The following TJP2 variants were observed in gnomAD, a reference collection of about 807,000 sequenced individuals.
The protein encoded by TJP2 is Friedreich ataxia region gene X104 (tight junction protein ZO-2).
In TJP2, 91 loss-of-function variants were observed where a neutral mutation model predicts 133.1. The ratio of observed to expected loss-of-function variants is 0.68; its 90% CI spans 0.58 to 0.81. TJP2 has a LOEUF of 0.81. Ranked by LOEUF, TJP2 falls within the 40% of genes least tolerant of loss-of-function variation. The pLI is 0.00. For synonymous variants in TJP2, 592 were observed against 583.4 expected (o/e 1.01, Z -0.21); for missense variants, 1,541 against 1,565.6 (o/e 0.98, Z 0.26).
At chr9:69,133,761 G>A (rs1240875390) in intron 1 of TJP2, among the ~76,000 whole-genome samples, 2 of 151,640 alleles carry the variant, frequency 1.3e-5, no homozygotes, top group African/African-American at 4.8e-5. Flanking sequence ...ATGTTGTCCA[G>A]GCTGGCCTCG....
chr9:69,153,107 C>G (rs1238242434), intron 2 of TJP2, among the ~76,000 whole-genome samples: 1 of 151,904 alleles, frequency 6.6e-6, no homozygotes, highest in Non-Finnish European at 1.5e-5. Flanking sequence ...GTGGTGTGCT[C>G]CTGTAGTCCT....
chr9:69,206,779 A>AT (rs1233084991), intron 1 of TJP2, among the ~76,000 whole-genome samples: 2 of 151,692 alleles, frequency 1.3e-5, no homozygotes, highest in Non-Finnish European at 1.5e-5. Context: ...GGGTTTAACC[A>AT]TGTTAGTCAG....
intron 17 of TJP2, among the ~76,000 whole-genome samples, chr9:69,242,204 G>A (rs1389765944): frequency 6.6e-6 from 1 of 152,168 alleles, no homozygotes; most frequent in East Asian, 1.9e-4. Flanking sequence ...TTTGCTCTTG[G>A]GAGCACAGGC....
chr9:69,212,151 TG>T (rs1563915235), intron 1 of TJP2, among the ~76,000 whole-genome samples: 9 of 152,270 alleles, frequency 5.9e-5, no homozygotes, highest in Middle Eastern at 3.4e-3. Flanking sequence ...GACATAAACA[TG>T]CAGAAAACTT....
intron 9 of TJP2, among the ~76,000 whole-genome samples, chr9:69,228,866 A>G (rs1829549227): frequency 6.6e-6 from 1 of 152,176 alleles, no homozygotes; most frequent in African/African-American, 2.4e-5. Flanking sequence ...AATTATCATC[A>G]TAATTTTATA....
At chr9:69,159,592 T>C (rs1308013877) in intron 2 of TJP2, among the ~76,000 whole-genome samples, 1 of 151,948 alleles carries the variant, frequency 6.6e-6, no homozygotes, top group Non-Finnish European at 1.5e-5. Context: ...AATATGGTAA[T>C]AGTTGGCTGG....
rs59568063 is a variant in TJP2, at chr9:69,174,470, T to TCGTGAG, written c.60+49_60+54dup. 640,680 of 1,514,898 alleles carry TCGTGAG rather than the reference T, an allele frequency of 0.42. 141,229 individuals are homozygous for TCGTGAG. Among genetic ancestry groups the TCGTGAG allele is most frequent in the East Asian group, 0.65 (26,145 of 40,286 alleles). 93.8% of individuals were successfully genotyped at this position (1,514,898 alleles called of 1,614,324 possible). ...TTGTGCCGCGCGGTTGGGAGGAGGG[T>TCGTGAG]CGTGAGCGTGAGCGTGGGAGCGCTG... On this transcript the variant is annotated intron_variant, in intron 1 of 22. Transcript: ENST00000377245.
upstream of TJP2, among the ~76,000 whole-genome samples, chr9:69,170,644 A>C: frequency 6.6e-6 from 1 of 152,180 alleles, no homozygotes; most frequent in Middle Eastern, 3.2e-3. Context: ...AATGAACATC[A>C]TCAGTTCTTA....
At chr9:69,151,517 A>T in intron 1 of TJP2, 1 of 893,378 alleles carries the variant, frequency 1.1e-6, no homozygotes, top group Non-Finnish European at 1.5e-6. Context: ...ACAGTTGCAT[A>T]ACTCTGTGAA....
upstream of TJP2, among the ~76,000 whole-genome samples, chr9:69,173,744 G>C (rs1587965208): frequency 6.6e-6 from 1 of 152,206 alleles, no homozygotes; most frequent in Non-Finnish European, 1.5e-5. Flanking sequence ...GAGAACTGAA[G>C]CTGCCTGTGT....
At chr9:69,121,790 C>G (rs1166916888) in intron 1 of TJP2, 1 of 152,402 alleles carries the variant, frequency 6.6e-6, no homozygotes, top group Non-Finnish European at 1.5e-5. Context: ...CCGGGAGAGC[C>G]GCCGAGGCGC....
chr9:69,151,234 C>G (rs975230874), intron 1 of TJP2, among the ~76,000 whole-genome samples: 2 of 152,144 alleles, frequency 1.3e-5, no homozygotes, highest in African/African-American at 4.8e-5. Flanking sequence ...GTAATCCCAG[C>G]ACTTTGGGAA....
chr9:69,207,766 G>C (rs1310298221), intron 1 of TJP2, among the ~76,000 whole-genome samples: 1 of 152,188 alleles, frequency 6.6e-6, no homozygotes, highest in Non-Finnish European at 1.5e-5. Flanking sequence ...ACCAGAGCCC[G>C]GTGGCCTAGT....
At chr9:69,190,874 T>C (rs1826158673) in intron 1 of TJP2, among the ~76,000 whole-genome samples, 1 of 152,274 alleles carries the variant, frequency 6.6e-6, no homozygotes, top group Non-Finnish European at 1.5e-5. Context: ...AGTATCTATA[T>C]GATCTCCGTG....
intron 1 of TJP2, among the ~76,000 whole-genome samples, chr9:69,149,838 G>A (rs974909397): frequency 6.6e-6 from 1 of 152,144 alleles, no homozygotes; most frequent in African/African-American, 2.4e-5. Flanking sequence ...TCCTGCTGGT[G>A]AGCAACCCAT....
intron 7 of TJP2, among the ~76,000 whole-genome samples, chr9:69,227,026 T>C (rs1431503656): frequency 6.6e-6 from 1 of 152,132 alleles, no homozygotes; most frequent in African/African-American, 2.4e-5. Flanking sequence ...CCAATAAAAA[T>C]AGTTAATCAC....
At chr9:69,146,918 G>C (rs1257462162) in intron 1 of TJP2, among the ~76,000 whole-genome samples, 3 of 152,026 alleles carry the variant, frequency 2.0e-5, no homozygotes, top group Admixed American at 1.3e-4. Context: ...TCTGTAAAAG[G>C]GTACATTTTA....
At chr9:69,222,178 C>CT (rs34092260) in intron 5 of TJP2, among the ~76,000 whole-genome samples, 1,619 of 140,274 alleles carry the variant, frequency 0.012, 13 homozygotes, top group Non-Finnish European at 0.019. Flanking sequence ...GGCCAGCTAA[C>CT]TTTTTTTTTT....
intron 1 of TJP2, chr9:69,204,916 A>T: frequency 1.6e-6 from 2 of 1,242,590 alleles, no homozygotes; most frequent in Non-Finnish European, 2.0e-6. Flanking sequence ...AGGGAGAGAG[A>T]GGGAGAGAAA....
Sources: gnomAD v4.1 joint callset for allele counts (sites outside exome capture counted in the v4.1 genomes callset) on GRCh38, gnomAD v4.1.1 for gene constraint, MANE v1.5 for transcripts, NCBI Gene and HGNC (gene_info 2026-07-23, HGNC 2026-07-21) for gene names.